Variants in RIMS1 observed in about 807,000 individuals in gnomAD.
RIMS1 encodes regulating synaptic membrane exocytosis 1.
A neutral mutation model predicts 214.1 loss-of-function variants in RIMS1; 83 were observed. The observed-to-expected ratio is 0.39, with a 90% CI of 0.32 to 0.47. The LOEUF is 0.47. Among genes scored for constraint, RIMS1 ranks in the 20% least tolerant of loss-of-function variants. The pLI is 0.99. For missense variants in RIMS1, 2,050 were observed against 2,161.8 expected, an observed-to-expected ratio of 0.95 and a Z score of 1.03; for synonymous variants, 793 against 786.8, an observed-to-expected ratio of 1.01 and a Z score of -0.13.
At chr6:72,155,567 G>A (rs1264259319) in intron 4 of RIMS1, among the ~76,000 whole-genome samples, 3 of 141,384 alleles carry the variant, frequency 2.1e-5, no homozygotes, top group Non-Finnish European at 4.8e-5. Context: ...TGGACTTACA[G>A]TTCCACATGG....
chr6:72,169,803 T>A (rs2046775731), intron 4 of RIMS1, among the ~76,000 whole-genome samples: 1 of 152,072 alleles, frequency 6.6e-6, no homozygotes, highest in African/African-American at 2.4e-5. Flanking sequence ...CCCAGCTACT[T>A]GGGAGGAAGA....
intron 2 of RIMS1, among the ~76,000 whole-genome samples, chr6:72,036,333 G>A (rs945400770): frequency 6.6e-6 from 1 of 152,082 alleles, no homozygotes; most frequent in African/African-American, 2.4e-5. Context: ...CAGTAATGTC[G>A]GGAATATCTA....
intron 6 of RIMS1, among the ~76,000 whole-genome samples, chr6:72,225,978 A>G (rs957816163): frequency 5.9e-5 from 9 of 152,124 alleles, no homozygotes; most frequent in Non-Finnish European, 1.2e-4. Flanking sequence ...TTTTGTGTGG[A>G]AAGCATTTTG....
intron 10 of RIMS1, among the ~76,000 whole-genome samples, chr6:72,243,757 A>T (rs992498274): frequency 5.3e-5 from 8 of 151,828 alleles, no homozygotes; most frequent in African/African-American, 1.9e-4. Context: ...TATGAAAATT[A>T]ATTAAGAAGT....
At chr6:72,197,779 G>T (rs1443412704) in intron 6 of RIMS1, among the ~76,000 whole-genome samples, 1 of 152,006 alleles carries the variant, frequency 6.6e-6, no homozygotes, top group Non-Finnish European at 1.5e-5. Flanking sequence ...CTACAAAGAG[G>T]CAACCATTAA....
intron 2 of RIMS1, among the ~76,000 whole-genome samples, chr6:72,007,140 A>G (rs1444515649): frequency 6.6e-6 from 1 of 152,148 alleles, no homozygotes; most frequent in Non-Finnish European, 1.5e-5. Context: ...CAGAGGAACG[A>G]TCACGCAGCA....
chr6:72,388,592 C>T lies in RIMS1; in HGVS notation c.4367-2006C>T, dbSNP rs78902870. ...GAGGAAAGGAATAGAAGCAGTGACA[C>T]TAGCTGTACGGGTATGGCACTGCTC... On this transcript the variant is annotated intron_variant, in intron 29 of 33. Transcript: ENST00000521978. Among the ~76,000 whole-genome samples, 519 of 152,320 alleles carry T rather than the reference C, an allele frequency of 3.4e-3. 3 individuals carry two copies. The highest frequency in any genetic ancestry group is 0.012 in the African/African-American group (484 of 41,560).
At chr6:72,247,525 A>C (rs2070683549) in intron 11 of RIMS1, among the ~76,000 whole-genome samples, 1 of 134,548 alleles carries the variant, frequency 7.4e-6, no homozygotes, top group Non-Finnish European at 1.6e-5. Flanking sequence ...ACAAGAGCGA[A>C]ACTCTGTCTC....
intron 28 of RIMS1, among the ~76,000 whole-genome samples, chr6:72,315,579 TAGAG>T (rs2095735837): frequency 6.6e-6 from 1 of 152,164 alleles, no homozygotes; most frequent in South Asian, 2.1e-4. Flanking sequence ...TTAGGAAGAA[TAGAG>T]AGAAAAAATA....
chr6:71,915,062 C>T (rs781376845), intron 1 of RIMS1, among the ~76,000 whole-genome samples: 1 of 152,060 alleles, frequency 6.6e-6, no homozygotes, highest in South Asian at 2.1e-4. Flanking sequence ...ATGATGACAT[C>T]AATTTCCACA....
chr6:72,074,780 G>C (rs933971068), intron 2 of RIMS1, among the ~76,000 whole-genome samples: 2 of 152,156 alleles, frequency 1.3e-5, no homozygotes, highest in African/African-American at 2.4e-5. Context: ...CTGCAGTTTA[G>C]ATAGCTGCTG....
At chr6:72,195,844 C>A (rs143132387) in intron 6 of RIMS1, among the ~76,000 whole-genome samples, 60 of 152,106 alleles carry the variant, frequency 3.9e-4, no homozygotes, top group African/African-American at 1.3e-3. Flanking sequence ...GCTGGGGAGG[C>A]CTCAAGAAAC....
At chr6:72,039,176 T>C (rs1820747959) in intron 2 of RIMS1, among the ~76,000 whole-genome samples, 1 of 152,092 alleles carries the variant, frequency 6.6e-6, no homozygotes, top group South Asian at 2.1e-4. Flanking sequence ...ACCAGTATTT[T>C]TCATAAGTGC....
chr6:72,112,042 A>T (rs1287737481), intron 4 of RIMS1, among the ~76,000 whole-genome samples: 1 of 152,154 alleles, frequency 6.6e-6, no homozygotes, highest in South Asian at 2.1e-4. Context: ...GTAAAACCCA[A>T]TCCCTGCTTT....
intron 29 of RIMS1, among the ~76,000 whole-genome samples, chr6:72,362,699 G>A (rs17690774): frequency 0.19 from 29,012 of 152,008 alleles, 3,470 homozygotes; most frequent in South Asian, 0.27. Context: ...AAATAAATAG[G>A]TAGAACTCTT....
intron 6 of RIMS1, among the ~76,000 whole-genome samples, chr6:72,192,457 G>T (rs1260889407): frequency 6.6e-6 from 1 of 152,208 alleles, no homozygotes; most frequent in Non-Finnish European, 1.5e-5. Context: ...TGCTGGGTCT[G>T]TAAACTGTCT....
intron 22 of RIMS1, among the ~76,000 whole-genome samples, chr6:72,266,912 T>C (rs75663352): frequency 0.011 from 1,701 of 152,194 alleles, 10 homozygotes; most frequent in Non-Finnish European, 0.017. Context: ...TGTACTAATG[T>C]AACCCGCTCC....
rs550548479 is a variant in RIMS1 at position 72,167,256 on chromosome 6, G to A, written c.472-12319G>A. Among the ~76,000 whole-genome samples the A allele has an allele frequency of 1.8e-3, 271 of 151,728 alleles. 1 individual carries two copies. The highest frequency in any genetic ancestry group is 6.4e-3 in the African/African-American group (263 of 41,410). The stretch of plus-strand genomic sequence containing the variant: ...ATATATGTGTATATATATTTCCATT[G>A]CTAGGATAAATTTCACTTTGTAATA... On this transcript the variant is annotated intron_variant, in intron 4 of 33. Transcript: ENST00000521978.
chr6:71,956,714 G>A (rs1444926917), intron 1 of RIMS1, among the ~76,000 whole-genome samples: 1 of 152,100 alleles, frequency 6.6e-6, no homozygotes, highest in Non-Finnish European at 1.5e-5. Context: ...TTTTATGACC[G>A]ACTATGATAA....
Sources: allele counts gnomAD v4.1 joint callset (sites outside exome capture counted in the v4.1 genomes callset), GRCh38; gene constraint gnomAD v4.1.1; transcripts MANE v1.5; gene names NCBI Gene and HGNC (gene_info 2026-07-23, HGNC 2026-07-21).